Variants in TMEM117 observed in about 807,000 individuals in gnomAD.
TMEM117 encodes transmembrane protein 117.
In TMEM117, 27 loss-of-function variants were observed where a neutral mutation model predicts 52.4. That is an observed-to-expected ratio of 0.51 (90% confidence interval 0.38 to 0.71). The LOEUF is 0.71. Among genes scored for constraint, TMEM117 ranks in the 30% least tolerant of loss-of-function variants. The pLI is 0.00. For synonymous variants in TMEM117, 215 were observed against 206.3 expected (o/e 1.04, Z -0.36); for missense variants, 556 against 630.5 (o/e 0.88, Z 1.26).
At chr12:44,107,025 C>T (rs561540441) in intron 3 of TMEM117, among the ~76,000 whole-genome samples, 9 of 151,910 alleles carry the variant, frequency 5.9e-5, no homozygotes, top group African/African-American at 2.2e-4. Context: ...TTTGGCTGTC[C>T]GTCAATAAAG....
chr12:44,221,098 C>T (rs1306183751), intron 5 of TMEM117, among the ~76,000 whole-genome samples: 1 of 152,090 alleles, frequency 6.6e-6, no homozygotes, highest in African/African-American at 2.4e-5. Context: ...GTAGAGAAAT[C>T]TGACAAACAT....
chr12:43,928,819 C>G (rs1565755454), intron 2 of TMEM117, among the ~76,000 whole-genome samples: 1 of 149,112 alleles, frequency 6.7e-6, no homozygotes, highest in Non-Finnish European at 1.5e-5. Context: ...TGTTCAATTC[C>G]CACCTATGAG....
chr12:43,970,369 A>G (rs946682486), intron 3 of TMEM117, among the ~76,000 whole-genome samples: 1 of 151,892 alleles, frequency 6.6e-6, no homozygotes, highest in Non-Finnish European at 1.5e-5. Flanking sequence ...GCTCACTGCA[A>G]GCTCCGCCTC....
In TMEM117 at chr12:44,092,241, G is replaced by C. The variant is rs554783503; in HGVS notation, c.411-51284G>C. The stretch of plus-strand genomic sequence containing the variant: ...TGTGGGATTAAATGCTCAACTTTGT[G>C]TACGCATTTATTACCTTCTAGATTC... On this transcript the variant is annotated intron_variant, in intron 3 of 7. Coordinates refer to ENST00000266534, the MANE Select transcript of TMEM117 (RefSeq NM_032256.3). Among the ~76,000 whole-genome samples, 17 of 152,330 alleles carry C rather than the reference G, an allele frequency of 1.1e-4. No individual in the cohort carries two copies. The East Asian group carries it at 3.1e-3, about 28-fold the overall frequency.
chr12:43,872,245 CA>C (rs1429135801), intron 2 of TMEM117, among the ~76,000 whole-genome samples: 2 of 152,250 alleles, frequency 1.3e-5, no homozygotes, highest in East Asian at 3.9e-4. Context: ...ATCTCAATTG[CA>C]GGTTCATTAT....
At chr12:43,885,842 G>A (rs1368364858) in intron 2 of TMEM117, among the ~76,000 whole-genome samples, 1 of 152,096 alleles carries the variant, frequency 6.6e-6, no homozygotes, top group Non-Finnish European at 1.5e-5. Context: ...TCCTGGAGAT[G>A]GTTACACAAG....
chr12:43,811,348 A>G, the TMEM117 span, among the ~76,000 whole-genome samples: 2 of 152,328 alleles, frequency 1.3e-5, no homozygotes, highest in South Asian at 4.1e-4. Context: ...ACCTGAGGCT[A>G]TCTAAATGAT....
intron 2 of TMEM117, among the ~76,000 whole-genome samples, chr12:43,891,793 T>C (rs189447410): frequency 2.6e-3 from 395 of 152,328 alleles, no homozygotes; most frequent in Middle Eastern, 6.8e-3. Flanking sequence ...TTTTCCTCTA[T>C]TGTTTTAAAG....
intron 5 of TMEM117, among the ~76,000 whole-genome samples, chr12:44,230,661 C>G (rs1201094749): frequency 6.6e-6 from 1 of 152,004 alleles, no homozygotes; most frequent in Non-Finnish European, 1.5e-5. Context: ...TTGGTACTTC[C>G]CTATTTACAA....
At chr12:43,926,237 C>G (rs950935897) in intron 2 of TMEM117, among the ~76,000 whole-genome samples, 7 of 152,274 alleles carry the variant, frequency 4.6e-5, no homozygotes, top group African/African-American at 1.4e-4. Flanking sequence ...TGCTTTAGTC[C>G]TAAAACATTG....
chr12:43,984,486 A>G (rs751877386), intron 3 of TMEM117, among the ~76,000 whole-genome samples: 1 of 152,202 alleles, frequency 6.6e-6, no homozygotes, highest in Admixed American at 6.5e-5. Context: ...TAGTGTTTTC[A>G]TCAGATGAAC....
chr12:44,259,789 C>T (rs796147295), intron 5 of TMEM117, among the ~76,000 whole-genome samples: 14 of 152,150 alleles, frequency 9.2e-5, no homozygotes, highest in African/African-American at 3.4e-4. Flanking sequence ...GCATTTGAAA[C>T]ATGTATTTTT....
intron 6 of TMEM117, among the ~76,000 whole-genome samples, chr12:44,327,091 G>A (rs7957859): frequency 0.65 from 99,222 of 151,996 alleles, 33,457 homozygotes; most frequent in East Asian, 0.9. Context: ...AATATTTATT[G>A]GCTATACTGT....
chr12:43,914,529 C>T (rs779120532), intron 2 of TMEM117, among the ~76,000 whole-genome samples: 1 of 152,096 alleles, frequency 6.6e-6, no homozygotes, highest in Non-Finnish European at 1.5e-5. Context: ...ACAGGCCCTG[C>T]CAATGGAGCT....
chr12:44,208,317 G>A (rs1404506687), intron 4 of TMEM117, among the ~76,000 whole-genome samples: 1 of 152,142 alleles, frequency 6.6e-6, no homozygotes, highest in East Asian at 1.9e-4. Flanking sequence ...CAGAGACCTA[G>A]TAGAGAGGAA....
intron 2 of TMEM117, among the ~76,000 whole-genome samples, chr12:43,887,862 G>A (rs1944025474): frequency 6.6e-6 from 1 of 152,210 alleles, no homozygotes; most frequent in Non-Finnish European, 1.5e-5. Flanking sequence ...GGCTGTAAGA[G>A]TAAATTATGT....
At position 44,215,051 on chromosome 12, in the gene TMEM117, A is replaced by C. The variant is rs186880709; in HGVS notation, c.608+3664A>C. ...CATACTTTATGTCACCCACTCAAAA[A>C]TGGGTATTTTCTTTTGATTTTGCTT... is the stretch of plus-strand genomic sequence containing the variant. On this transcript the variant is annotated intron_variant, in intron 5 of 7. Coordinates refer to ENST00000266534, the MANE Select transcript of TMEM117 (RefSeq NM_032256.3). Among the ~76,000 whole-genome samples, 555 of 152,308 alleles carry C rather than the reference A, an allele frequency of 3.6e-3. 3 individuals carry two copies. Among genetic ancestry groups the C allele is most frequent in the Non-Finnish European group, 6.1e-3 (414 of 68,024 alleles).
Position 43,877,716 on chromosome 12 carries a change from G to A in TMEM117, c.277+32788G>A, listed in dbSNP as rs191951485. Among the ~76,000 whole-genome samples the A allele has an allele frequency of 5.3e-3, 802 of 151,966 alleles. 6 individuals are homozygous for A. Among genetic ancestry groups the A allele is most frequent in the Admixed American group, 0.011 (175 of 15,240 alleles). The stretch of plus-strand genomic sequence containing the variant: ...GTAGCAGCTAATAGCTGAAATCAGT[G>A]TGAATGACCACATATAAGAAAAAGT... On this transcript the variant is annotated intron_variant, in intron 2 of 7. Transcript: ENST00000266534.
intron 5 of TMEM117, among the ~76,000 whole-genome samples, chr12:44,257,112 T>C (rs1950268435): frequency 6.6e-6 from 1 of 150,488 alleles, no homozygotes; most frequent in African/African-American, 2.4e-5. Flanking sequence ...TCAAATAGCC[T>C]ATATGCTAGG....
Sources: allele counts gnomAD v4.1 joint callset (sites outside exome capture counted in the v4.1 genomes callset), GRCh38; gene constraint gnomAD v4.1.1; transcripts MANE v1.5; gene names NCBI Gene and HGNC (gene_info 2026-07-23, HGNC 2026-07-21).